The following TAFA5 variants were observed in gnomAD, a reference collection of about 807,000 sequenced individuals.
TAFA5 encodes TAFA chemokine like family member 5, also known as chemokine-like protein TAFA-5.
A neutral mutation model predicts 15.3 loss-of-function variants in TAFA5; 6 were observed. That is an observed-to-expected ratio of 0.39 (90% confidence interval 0.21 to 0.77). TAFA5 has a LOEUF of 0.77. TAFA5 is among the 30% of genes least tolerant of loss of function. The pLI, the probability that TAFA5 is intolerant of heterozygous loss-of-function variation, is 0.41. For synonymous variants in TAFA5, 103 were observed against 80.7 expected, an observed-to-expected ratio of 1.28 and a Z score of -1.48; for missense variants, 161 against 193.1, an observed-to-expected ratio of 0.83 and a Z score of 0.98.
At chr22:48,725,051 C>G (rs1016892418) in intron 3 of TAFA5, among the ~76,000 whole-genome samples, 1 of 152,260 alleles carries the variant, frequency 6.6e-6, no homozygotes, top group Non-Finnish European at 1.5e-5. Flanking sequence ...GCAGCTTAGA[C>G]AGAAGTCTGA....
intron 2 of TAFA5, among the ~76,000 whole-genome samples, chr22:48,666,681 C>T (rs1025829402): frequency 3.3e-5 from 5 of 152,220 alleles, no homozygotes; most frequent in Non-Finnish European, 7.3e-5. Flanking sequence ...CAGGAATCCC[C>T]GTGACAGCGT....
intron 2 of TAFA5, among the ~76,000 whole-genome samples, chr22:48,680,638 A>G (rs959820570): frequency 1.3e-5 from 2 of 152,208 alleles, no homozygotes; most frequent in African/African-American, 4.8e-5. Context: ...ACGACTGGGC[A>G]CTGACAGCCA....
chr22:48,648,863 G>A (rs917386004), intron 2 of TAFA5, among the ~76,000 whole-genome samples: 8 of 152,160 alleles, frequency 5.3e-5, no homozygotes, highest in Non-Finnish European at 1.2e-4. Context: ...TGGTATCACC[G>A]GGAGAAAGGT....
intron 1 of TAFA5, among the ~76,000 whole-genome samples, chr22:48,617,631 G>A (rs1925658471): frequency 1.3e-5 from 2 of 152,234 alleles, no homozygotes; most frequent in African/African-American, 4.8e-5. Context: ...GGATGCAGCA[G>A]GAGAGAGAAT....
At chr22:48,593,081 C>A (rs1236002392) in intron 1 of TAFA5, among the ~76,000 whole-genome samples, 1 of 152,194 alleles carries the variant, frequency 6.6e-6, no homozygotes, top group Non-Finnish European at 1.5e-5. Flanking sequence ...CCGGGAATCC[C>A]GACAGGAGCC....
chr22:48,505,954 C>T (rs2147098395), intron 1 of TAFA5, among the ~76,000 whole-genome samples: 1 of 152,320 alleles, frequency 6.6e-6, no homozygotes. Context: ...TACAGAGACA[C>T]TCTAATGGGA....
intron 1 of TAFA5, among the ~76,000 whole-genome samples, chr22:48,635,420 G>T (rs969764140): frequency 2.0e-5 from 3 of 152,208 alleles, no homozygotes; most frequent in Non-Finnish European, 1.5e-5. Flanking sequence ...TGCCTTCCTG[G>T]CCGCCTCTAG....
rs1328985421 is a variant in TAFA5 at position 48,489,682 on chromosome 22, C to T, written c.90C>T (p.Ala30=). The change falls in exon 1 of 4, where the codon GCC becomes GCT. Residue 30 remains alanine, a synonymous_variant. Coordinates refer to ENST00000402357, the MANE Select transcript of TAFA5 (RefSeq NM_001082967.3). This position sits in a 1 kb window ranked among gnomAD's most constrained non-coding sequence, Gnocchi z 5.5. ...CTTTCTGGGCGTTCATGATCCTGGCCAGCCTGCTCATCGCCTACTGCAGTG... is the reference window on the plus strand; with the variant it reads ...CTTTCTGGGCGTTCATGATCCTGGCTAGCCTGCTCATCGCCTACTGCAGTG... ...SSTFWAFMIL[A]SLLIAYCSQL... 1 of 1,519,812 alleles carries T rather than the reference C, an allele frequency of 6.6e-7. No individual in the cohort carries two copies. Among genetic ancestry groups the T allele is most frequent in the Non-Finnish European group, 8.8e-7 (1 of 1,132,812 alleles). The allele number at this position is 1,519,812 out of a possible 1,614,324, so 94.1% of individuals were successfully genotyped here.
At chr22:48,696,041 C>T (rs1928700789) in intron 2 of TAFA5, among the ~76,000 whole-genome samples, 1 of 152,180 alleles carries the variant, frequency 6.6e-6, no homozygotes, top group Admixed American at 6.5e-5. Context: ...CCCTCAACCC[C>T]ACCTGCCCCG....
chr22:48,590,161 C>T (rs1329332214), intron 1 of TAFA5, among the ~76,000 whole-genome samples: 1 of 152,138 alleles, frequency 6.6e-6, no homozygotes, highest in Admixed American at 6.5e-5. Flanking sequence ...GGATTCCCAT[C>T]CCGGAGGTGG....
At chr22:48,546,499 C>T (rs976041819) in intron 1 of TAFA5, 3 of 471,048 alleles carry the variant, frequency 6.4e-6, no homozygotes, top group African/African-American at 6.0e-5. Flanking sequence ...TGTGGACGCC[C>T]CTGTTTTTCT....
intron 3 of TAFA5, among the ~76,000 whole-genome samples, chr22:48,711,361 C>T (rs4989008): frequency 0.066 from 10,087 of 151,758 alleles, 455 homozygotes; most frequent in Admixed American, 0.095. Context: ...CCGCGGATGC[C>T]TGGGCCGGTA....
chr22:48,509,186 A>G (rs927726565), intron 1 of TAFA5, among the ~76,000 whole-genome samples: 11 of 151,998 alleles, frequency 7.2e-5, no homozygotes, highest in African/African-American at 2.7e-4. Context: ...TGTGTGTGGC[A>G]CCTTTTCTCT....
chr22:48,514,300 C>T (rs1432321458), intron 1 of TAFA5, among the ~76,000 whole-genome samples: 1 of 152,210 alleles, frequency 6.6e-6, no homozygotes, highest in Non-Finnish European at 1.5e-5. Flanking sequence ...ACCTTCTTGG[C>T]ATCTCACGTT....
intron 2 of TAFA5, among the ~76,000 whole-genome samples, chr22:48,691,636 G>T (rs372984747): frequency 2.6e-5 from 4 of 152,190 alleles, no homozygotes; most frequent in African/African-American, 9.6e-5. Context: ...TGCTGCAGGC[G>T]CTCAGTCCTG....
chr22:48,679,091 G>GTCCATCCCTCTCCCA (rs1928083887), intron 2 of TAFA5, among the ~76,000 whole-genome samples: 1 of 83,944 alleles, frequency 1.2e-5, no homozygotes. Flanking sequence ...TCCCTCTCCC[G>GTCCATCCCTCTCCCA]GCTCCCTGTC....
chr22:48,587,234 GGGATGCTGTGGGCACGAGTTCT>G (rs1236663527), intron 1 of TAFA5, among the ~76,000 whole-genome samples: 1 of 152,216 alleles, frequency 6.6e-6, no homozygotes. Flanking sequence ...CCGGGGCTCT[GGGATGCTGTGGGCACGAGTTCT>G]GGAGGGGTCT....
In TAFA5 at chr22:48,612,194, G is replaced by C. The variant is rs59697330; in HGVS notation, c.113-34403G>C. On this transcript the variant is annotated intron_variant, in intron 1 of 3. Transcript: ENST00000402357. ...TGGCTCATCCCCTGGCCGCCCACTG[G>C]GCCTCATGCTTTTCCATTTGTAATC... Among the ~76,000 whole-genome samples, 366 of 152,282 alleles carry C rather than the reference G, an allele frequency of 2.4e-3. 1 individual carries two copies. The highest frequency in any genetic ancestry group is 8.5e-3 in the African/African-American group (353 of 41,554).
intron 2 of TAFA5, among the ~76,000 whole-genome samples, chr22:48,706,148 T>C (rs1014638430): frequency 1.3e-5 from 2 of 152,170 alleles, no homozygotes; most frequent in South Asian, 4.1e-4. Context: ...TCTGCAGGGC[T>C]GGCAACTGAG....
Sources: allele counts gnomAD v4.1 joint callset (sites outside exome capture counted in the v4.1 genomes callset), GRCh38; gene constraint gnomAD v4.1.1; non-coding constraint Gnocchi (gnomAD v3.1); transcripts MANE v1.5; gene names NCBI Gene and HGNC (gene_info 2026-07-23, HGNC 2026-07-21).